KDM5A: variants seen among roughly 807,000 people sequenced by gnomAD.
The protein encoded by KDM5A is lysine-specific demethylase 5A.
KDM5A carries 42 observed loss-of-function variants against 193.5 expected under a neutral mutation model. The ratio of observed to expected loss-of-function variants is 0.22; its 90% confidence interval spans 0.17 to 0.28. The LOEUF is 0.28. Among genes scored for constraint, KDM5A ranks in the 10% least tolerant of loss-of-function variants. The pLI is 1.00. For missense variants in KDM5A, 1,692 were observed against 2,055.1 expected, an observed-to-expected ratio of 0.82 and a Z score of 3.42; for synonymous variants, 796 against 718.1, an observed-to-expected ratio of 1.11 and a Z score of -1.73.
rs1296055176 is a variant in KDM5A at position 281,351 on chromosome 12, T to TA, written c.*4104dup. 4.3e-6 allele frequency: 1 copy of TA among 233,048 alleles called. No individual in the cohort carries two copies. The highest frequency in any genetic ancestry group is 8.5e-6 in the Non-Finnish European group (1 of 117,976). The allele number at this position is 233,048 out of a possible 1,614,324, so 14.4% of individuals were successfully genotyped here. A position where few individuals can be genotyped will look rare whatever the true frequency, so the allele number is the denominator to read the frequency against. ...ACTGCAAAAGAAAAAACAAACAAGA[T>TA]ACAGCTTTCATAACCCATCATATCC... On this transcript the variant is annotated 3_prime_UTR_variant, in exon 28 of 28. Transcript: ENST00000399788.
chr12:346,599 AGGCT>A (rs770907083), intron 10 of KDM5A, among the ~76,000 whole-genome samples: 1 of 152,204 alleles, frequency 6.6e-6, no homozygotes, highest in Non-Finnish European at 1.5e-5. Flanking sequence ...CCGGGATGCA[AGGCT>A]AGTTCAACAT....
intron 14 of KDM5A, among the ~76,000 whole-genome samples, chr12:325,897 C>T (rs1943776478): frequency 6.6e-6 from 1 of 152,074 alleles, no homozygotes; most frequent in African/African-American, 2.4e-5. Flanking sequence ...GCCTGTAATC[C>T]CAGCTACCCG....
At chr12:362,561 A>G (rs1944305647) in intron 5 of KDM5A, among the ~76,000 whole-genome samples, 1 of 152,248 alleles carries the variant, frequency 6.6e-6, no homozygotes, top group Non-Finnish European at 1.5e-5. Context: ...CAGCATGTCT[A>G]TAAAATTGGC....
intron 5 of KDM5A, among the ~76,000 whole-genome samples, chr12:357,100 GGGAGACC>G (rs1406983429): frequency 6.6e-6 from 1 of 152,052 alleles, no homozygotes; most frequent in Non-Finnish European, 1.5e-5. Context: ...GACAACACAG[GGGAGACC>G]CCATCTCTAC....
In KDM5A at chr12:292,789, T is replaced by C; in HGVS notation, c.4836A>G (p.Ala1612=). 1 of 1,614,234 alleles carries C rather than the reference T, an allele frequency of 6.2e-7. No homozygotes were observed. The highest frequency in any genetic ancestry group is 8.5e-7 in the Non-Finnish European group (1 of 1,180,022). The change falls in exon 27 of 28, where the codon GCA becomes GCG. Residue 1612 remains alanine, a synonymous_variant. Transcript: ENST00000399788. ...CCTTGCAGGGCCTTTGGCAGTTCTG[T>C]GCTGCGCACACAGCATTCTCATCAT... ...ESDDENAVCA[A]QNCQRPCKDK...
Position 307,199 on chromosome 12 carries a change from G to A in KDM5A, c.3931-110C>T. ...TAATGAATAAGCAAAGTGGCTAACA[G>A]AGTTCTTCAACAGTTAGTAGAAATC... On this transcript the variant is annotated intron_variant, in intron 23 of 27. Coordinates refer to ENST00000399788, the MANE Select transcript of KDM5A (RefSeq NM_001042603.3). The surrounding 1 kb of genome is among the most constrained non-coding windows in gnomAD (Gnocchi z 4.3). 7.7e-7 allele frequency: 1 copy of A among 1,293,196 alleles called. No homozygotes were observed. The highest frequency in any genetic ancestry group is 1.1e-6 in the Non-Finnish European group (1 of 902,488). 80.1% of individuals were successfully genotyped at this position (1,293,196 alleles called of 1,614,324 possible).
chr12:317,366 T>C (rs1225595508), intron 19 of KDM5A, among the ~76,000 whole-genome samples: 3 of 152,194 alleles, frequency 2.0e-5, no homozygotes, highest in African/African-American at 7.2e-5. Flanking sequence ...GCTTCTCTAC[T>C]GACCACCCAA....
chr12:322,854 A>G (rs775220196), intron 16 of KDM5A, among the ~76,000 whole-genome samples: 9 of 152,262 alleles, frequency 5.9e-5, no homozygotes, highest in Non-Finnish European at 1.2e-4. Context: ...CATACATAAT[A>G]AATTTACTGC....
chr12:311,551 A>G (rs571520831), intron 20 of KDM5A, among the ~76,000 whole-genome samples: 119 of 152,308 alleles, frequency 7.8e-4, no homozygotes, highest in South Asian at 3.9e-3. Flanking sequence ...TAGTCCTTCA[A>G]TTCTAAATAA....
intron 10 of KDM5A, among the ~76,000 whole-genome samples, chr12:340,748 A>T (rs1943994889): frequency 6.6e-6 from 1 of 151,932 alleles, no homozygotes; most frequent in Non-Finnish European, 1.5e-5. Context: ...GACCCACAGA[A>T]ACTATGAGAT....
intron 24 of KDM5A, among the ~76,000 whole-genome samples, chr12:304,064 G>A (rs1943475592): frequency 6.6e-6 from 1 of 152,136 alleles, no homozygotes; most frequent in Non-Finnish European, 1.5e-5. Context: ...AATGTTAAGT[G>A]AGCTCTGATT....
chr12:322,845 A>C (rs1261888003), intron 16 of KDM5A, among the ~76,000 whole-genome samples: 23 of 152,172 alleles, frequency 1.5e-4, no homozygotes, highest in Admixed American at 1.5e-3. Flanking sequence ...GGTTCCCAAC[A>C]TACATAATAA....
chr12:381,315 G>C (rs558423513), intron 3 of KDM5A, among the ~76,000 whole-genome samples: 3 of 151,462 alleles, frequency 2.0e-5, no homozygotes, highest in African/African-American at 7.3e-5. Flanking sequence ...TCATCATGTT[G>C]GCCAGGCTGG....
At chr12:375,410 T>C (rs960862592) in intron 3 of KDM5A, among the ~76,000 whole-genome samples, 4 of 152,220 alleles carry the variant, frequency 2.6e-5, no homozygotes, top group African/African-American at 9.6e-5. Context: ...TCTCGTGCCA[T>C]GGTTTTCAGC....
At chr12:382,703 G>T (rs927192228) in intron 3 of KDM5A, among the ~76,000 whole-genome samples, 4 of 152,146 alleles carry the variant, frequency 2.6e-5, no homozygotes, top group African/African-American at 9.7e-5. Context: ...GGAGATCAAG[G>T]TGAGCGGATC....
At chr12:337,494 CA>C (rs1375119264) in intron 10 of KDM5A, among the ~76,000 whole-genome samples, 1 of 151,824 alleles carries the variant, frequency 6.6e-6, no homozygotes, top group Non-Finnish European at 1.5e-5. Flanking sequence ...GAGTCATACG[CA>C]AAAACACAGG....
chr12:292,987 C>T lies in KDM5A; in HGVS notation c.4638G>A (p.Lys1546=), dbSNP rs550501140. 8.1e-6 allele frequency: 13 copies of T among 1,609,630 alleles called. No homozygotes were observed. The African/African-American group carries it at 1.7e-4, about 22-fold the overall frequency. The change falls in exon 27 of 28, where the codon AAG becomes AAA. Residue 1546 remains lysine, a synonymous_variant. Transcript: ENST00000399788. Reference sequence around the variant, plus strand: ...GTTTCTTGGCCAGTTTATTCAGCTCCTTTGATTTGTCTGCACCTAATTTTA... The same window carrying T: ...GTTTCTTGGCCAGTTTATTCAGCTCTTTTGATTTGTCTGCACCTAATTTTA... ...KKLKLGADKS[K]ELNKLAKKLA...
intron 1 of KDM5A, among the ~76,000 whole-genome samples, chr12:387,956 ACAAG>A (rs1027355131): frequency 6.6e-6 from 1 of 150,570 alleles, no homozygotes; most frequent in African/African-American, 2.5e-5. Flanking sequence ...AATGCCTTTA[ACAAG>A]CAACGACTAA....
chr12:323,041 C>T, intron 16 of KDM5A, 41 bp downstream of exon 16: 3 of 1,611,514 alleles, frequency 1.9e-6, no homozygotes, highest in Non-Finnish European at 2.5e-6. Context: ...TTTAAAGTGA[C>T]AATCAATTCA....
Sources: allele counts gnomAD v4.1 joint callset (sites outside exome capture counted in the v4.1 genomes callset), GRCh38; gene constraint gnomAD v4.1.1; non-coding constraint Gnocchi (gnomAD v3.1); transcripts MANE v1.5; gene names NCBI Gene and HGNC (gene_info 2026-07-23, HGNC 2026-07-21).